CACNG2: variants seen among roughly 807,000 people sequenced by gnomAD.
CACNG2 encodes the protein calcium voltage-gated channel auxiliary subunit gamma 2.
CACNG2 carries 3 observed loss-of-function variants against 25.9 expected under a neutral mutation model. That is an observed-to-expected ratio of 0.12 (90% CI 0.05 to 0.30). The LOEUF (loss-of-function observed/expected upper bound fraction) is 0.30. Ranked by LOEUF, CACNG2 falls within the 10% of genes least tolerant of loss-of-function variation. CACNG2 has a pLI of 1.00. For synonymous variants in CACNG2, 167 were observed against 173.3 expected (o/e 0.96, Z 0.29); for missense variants, 341 against 432.5 (o/e 0.79, Z 1.88).
At chr22:36,609,600 C>T (rs1935899328) in intron 1 of CACNG2, among the ~76,000 whole-genome samples, 1 of 133,684 alleles carries the variant, frequency 7.5e-6, no homozygotes, top group Admixed American at 7.2e-5. Context: ...AGGAATCAGC[C>T]CCCCAGAGCG....
In CACNG2 at chr22:36,614,159, A is replaced by T. The variant is rs531386043; in HGVS notation, c.212-26611T>A. ...GACAAGGTCAACAGGGTCCACCACA[A>T]TTCGACAGCTGCTTTGATCTTCAGA... On this transcript the variant is annotated intron_variant, in intron 1 of 3. Transcript: ENST00000300105. Among the ~76,000 whole-genome samples, 123 of 152,188 alleles carry T rather than the reference A, an allele frequency of 8.1e-4. 1 individual carries two copies. Among genetic ancestry groups the T allele is most frequent in the African/African-American group, 2.8e-3 (116 of 41,530 alleles).
intron 1 of CACNG2, among the ~76,000 whole-genome samples, chr22:36,668,531 C>G (rs1051514747): frequency 1.3e-5 from 2 of 151,696 alleles, no homozygotes; most frequent in Admixed American, 1.3e-4. Context: ...CTCTGTTGCC[C>G]AGGCTGGGGT....
At chr22:36,686,913 C>A (rs1031229934) in intron 1 of CACNG2, among the ~76,000 whole-genome samples, 4 of 152,216 alleles carry the variant, frequency 2.6e-5, no homozygotes, top group Admixed American at 6.5e-5. Context: ...AGGCATGTGG[C>A]CACCTAGAAT....
chr22:36,610,557 C>T (rs1293076768), intron 1 of CACNG2, among the ~76,000 whole-genome samples: 1 of 152,170 alleles, frequency 6.6e-6, no homozygotes, highest in Non-Finnish European at 1.5e-5. Flanking sequence ...GGAGGCAGAT[C>T]AGGATGAGAA....
intron 1 of CACNG2, among the ~76,000 whole-genome samples, chr22:36,624,758 G>C (rs796653866): frequency 1.3e-5 from 2 of 152,106 alleles, no homozygotes; most frequent in East Asian, 3.9e-4. Flanking sequence ...GGCCGGGCCC[G>C]GTGGCTCCCG....
rs1284348116 is a variant in CACNG2, at chr22:36,700,794, G to A, written c.211+1572C>T. Among the ~76,000 whole-genome samples the A allele has an allele frequency of 2.0e-5, 3 of 152,294 alleles. No homozygotes were observed. The East Asian group carries it at 5.8e-4, about 29-fold the overall frequency. ...ATAGTATTCAGCATAGAGCTCCTCT[G>A]CAGAATATGTTAAAGACAGCGGTTT... On this transcript the variant is annotated intron_variant, in intron 1 of 3. Coordinates refer to ENST00000300105, the MANE Select transcript of CACNG2 (RefSeq NM_006078.5).
intron 2 of CACNG2, among the ~76,000 whole-genome samples, chr22:36,574,147 A>G (rs549318465): frequency 6.6e-6 from 1 of 152,004 alleles, no homozygotes; most frequent in Admixed American, 6.6e-5. Flanking sequence ...GAAACTTTAA[A>G]GGGCTTAGAA....
At chr22:36,680,722 C>T (rs1242535677) in intron 1 of CACNG2, among the ~76,000 whole-genome samples, 1 of 11,532 alleles carries the variant, frequency 8.7e-5, no homozygotes, top group African/African-American at 3.4e-4. Flanking sequence ...TCACCATCAC[C>T]ACTACCATCA....
Position 36,702,390 on chromosome 22 carries a change from A to T in CACNG2, c.187T>A (p.Leu63Ile). 6.2e-7 allele frequency: 1 copy of T among 1,613,860 alleles called. No individual in the cohort carries two copies. Among genetic ancestry groups the T allele is most frequent in the Non-Finnish European group, 8.5e-7 (1 of 1,179,908 alleles). Reference protein sequence around the residue: ...KNEEVMTHSGLWRTCCLEGNF... With the variant: ...KNEEVMTHSGIWRTCCLEGNF... The stretch of plus-strand genomic sequence containing the variant: ...CCTTCTAGGCAGCAGGTTCTCCATA[A>T]TCCGGAATGGGTCATAACTTCCTCG... Residue 63 changes from leucine (L) to isoleucine (I), a missense_variant, in exon 1 of 4, where the codon TTA (leucine) becomes ATA (isoleucine). Transcript: ENST00000300105.
intron 1 of CACNG2, among the ~76,000 whole-genome samples, chr22:36,671,784 G>T (rs1007698136): frequency 6.6e-6 from 1 of 152,120 alleles, no homozygotes; most frequent in African/African-American, 2.4e-5. Context: ...CTGCCTCCTC[G>T]ATCTCTGTGG....
chr22:36,578,335 G>C lies in CACNG2; in HGVS notation c.295+9130C>G, dbSNP rs1935359776. Among the ~76,000 whole-genome samples, 3 of 146,314 alleles carry C rather than the reference G, an allele frequency of 2.1e-5. No homozygotes were observed. The South Asian group carries it at 6.6e-4, about 32-fold the overall frequency. ...ATGGCACCACTGCACTCCAGCCTGG[G>C]TGACAGAGCGAGACTCAATCTCAAA... On this transcript the variant is annotated intron_variant, in intron 2 of 3. Transcript: ENST00000300105.
chr22:36,627,278 ACGTG>A (rs1282078513), intron 1 of CACNG2, among the ~76,000 whole-genome samples: 9 of 51,804 alleles, frequency 1.7e-4, no homozygotes, highest in African/African-American at 6.2e-4. Flanking sequence ...GAGAGTGGGG[ACGTG>A]TGTGTGTGTG....
chr22:36,670,366 AT>A (rs1936931382), intron 1 of CACNG2, among the ~76,000 whole-genome samples: 1 of 152,220 alleles, frequency 6.6e-6, no homozygotes, highest in South Asian at 2.1e-4. Context: ...TAAAATATAA[AT>A]ATAGATGATA....
chr22:36,679,600 A>G (rs1730807389), intron 1 of CACNG2, among the ~76,000 whole-genome samples: 2 of 152,150 alleles, frequency 1.3e-5, no homozygotes, highest in Admixed American at 1.3e-4. Flanking sequence ...ATTTGGGTGA[A>G]TAGACTTGGA....
chr22:36,626,199 C>T (rs1372503220), intron 1 of CACNG2, among the ~76,000 whole-genome samples: 2 of 152,188 alleles, frequency 1.3e-5, no homozygotes, highest in Admixed American at 6.5e-5. Flanking sequence ...GGATTACAGG[C>T]GTGAGCCACC....
At position 36,702,543 on chromosome 22, in the gene CACNG2, A is replaced by C; in HGVS notation, c.34T>G (p.Leu12Val). Residue 12 changes from leucine (L) to valine (V), a missense_variant, in exon 1 of 4, where the codon TTA (leucine) becomes GTA (valine). Leu to Val is a conservative substitution (Grantham distance 32). Transcript: ENST00000300105. ...GCAGCGAAAGCACCAACGGTGGTTA[A>C]AAGCATTTGAACACCTCGATCAAAC... ...GLFDRGVQML[L>V]TTVGAFAAFS... is the part of the protein sequence containing the mutation. 6.2e-7 allele frequency: 1 copy of C among 1,614,174 alleles called. No individual in the cohort carries two copies. The highest frequency in any genetic ancestry group is 8.5e-7 in the Non-Finnish European group (1 of 1,180,020).
At chr22:36,640,996 G>A (rs527589944) in intron 1 of CACNG2, among the ~76,000 whole-genome samples, 11 of 151,996 alleles carry the variant, frequency 7.2e-5, no homozygotes, top group South Asian at 6.3e-4. Flanking sequence ...CTGTTCCCTC[G>A]ACCTGGAGTA....
At chr22:36,636,629 G>C (rs1214980067) in intron 1 of CACNG2, among the ~76,000 whole-genome samples, 2 of 152,226 alleles carry the variant, frequency 1.3e-5, no homozygotes, top group Non-Finnish European at 2.9e-5. Flanking sequence ...TGTTTACTCT[G>C]TGCCAGACAC....
At chr22:36,593,005 C>A (rs1239924219) in intron 1 of CACNG2, among the ~76,000 whole-genome samples, 2 of 152,168 alleles carry the variant, frequency 1.3e-5, no homozygotes, top group African/African-American at 4.8e-5. Context: ...TGCCCCCATC[C>A]TTGGGGCGGG....
Sources: allele counts gnomAD v4.1 joint callset (sites outside exome capture counted in the v4.1 genomes callset), GRCh38; gene constraint gnomAD v4.1.1; transcripts MANE v1.5; gene names NCBI Gene and HGNC (gene_info 2026-07-23, HGNC 2026-07-21).